Variants in SNTG2 observed in about 807,000 individuals in gnomAD.
SNTG2 encodes the protein gamma-2-syntrophin.
In SNTG2, 74 loss-of-function variants were observed where a neutral mutation model predicts 70.9. The observed-to-expected ratio is 1.04, with a 90% confidence interval of 0.86 to 1.27. The LOEUF (loss-of-function observed/expected upper bound fraction) is 1.27, where lower values mean the gene tolerates loss of function less well. SNTG2 is among the 50% of genes most tolerant of loss of function. The pLI, the probability that SNTG2 is intolerant of heterozygous loss-of-function variation, is 0.00. For synonymous variants in SNTG2, 278 were observed against 273.8 expected, an observed-to-expected ratio of 1.02 and a Z score of -0.15; for missense variants, 717 against 690.7, an observed-to-expected ratio of 1.04 and a Z score of -0.43.
intron 1 of SNTG2, among the ~76,000 whole-genome samples, chr2:1,056,176 G>C (rs1662381342): frequency 6.8e-6 from 1 of 146,574 alleles, no homozygotes; most frequent in Non-Finnish European, 1.5e-5. Flanking sequence ...GCTTCATTCT[G>C]AAGGAAGGAG....
At chr2:1,314,076 G>A (rs1171586948) in intron 15 of SNTG2, among the ~76,000 whole-genome samples, 1 of 152,148 alleles carries the variant, frequency 6.6e-6, no homozygotes, top group African/African-American at 2.4e-5. Context: ...TGTATATAAT[G>A]TTTTAATAGC....
At chr2:1,255,385 T>C (rs1677993165) in intron 12 of SNTG2, among the ~76,000 whole-genome samples, 1 of 152,094 alleles carries the variant, frequency 6.6e-6, no homozygotes, top group South Asian at 2.1e-4. Flanking sequence ...AATGTACCTA[T>C]GAATCACCTG....
At chr2:1,183,421 T>A (rs1165258064) in intron 8 of SNTG2, among the ~76,000 whole-genome samples, 1 of 152,180 alleles carries the variant, frequency 6.6e-6, no homozygotes, top group Non-Finnish European at 1.5e-5. Flanking sequence ...CTTTAGCAGA[T>A]CCTACTCGGC....
chr2:1,152,211 G>C (rs1240012809), intron 6 of SNTG2, among the ~76,000 whole-genome samples: 1 of 152,180 alleles, frequency 6.6e-6, no homozygotes, highest in East Asian at 1.9e-4. Flanking sequence ...ATGTAGGGTA[G>C]AGCAATTAGT....
intron 16 of SNTG2, among the ~76,000 whole-genome samples, chr2:1,325,853 AGATG>A (rs1278379371): frequency 6.7e-6 from 1 of 149,670 alleles, no homozygotes; most frequent in Non-Finnish European, 1.5e-5. Context: ...TTTTTTTTTG[AGATG>A]GAGTCTCACT....
chr2:1,155,171 C>CA (rs879359871), intron 6 of SNTG2, among the ~76,000 whole-genome samples: 12,905 of 66,968 alleles, frequency 0.19, 970 homozygotes, highest in African/African-American at 0.28. Context: ...ACACGTAGAC[C>CA]CCCCCCCCAC....
intron 4 of SNTG2, among the ~76,000 whole-genome samples, chr2:1,115,515 AG>A (rs1194293313): frequency 1.3e-5 from 2 of 152,144 alleles, no homozygotes; most frequent in African/African-American, 4.8e-5. Context: ...TCCTTTGAGG[AG>A]GATCATGTGT....
At chr2:1,262,943 C>A (rs1178427990) in intron 13 of SNTG2, 1 of 152,276 alleles carries the variant, frequency 6.6e-6, no homozygotes, top group Admixed American at 6.5e-5. Flanking sequence ...ACACTGCGAT[C>A]CACAAGGTCT....
At chr2:1,165,331 A>G (rs60948181) in intron 6 of SNTG2, among the ~76,000 whole-genome samples, 8,139 of 151,770 alleles carry the variant, frequency 0.054, 328 homozygotes, top group East Asian at 0.22. Flanking sequence ...TCACTCATGC[A>G]CTTGTTTACG....
At chr2:1,218,299 C>A (rs181940037) in intron 9 of SNTG2, among the ~76,000 whole-genome samples, 7 of 152,308 alleles carry the variant, frequency 4.6e-5, no homozygotes, top group African/African-American at 1.7e-4. Context: ...TTTGCAGAAT[C>A]CCTTCACAGA....
chr2:1,222,301 C>A (rs1675295786), intron 9 of SNTG2, among the ~76,000 whole-genome samples: 3 of 152,256 alleles, frequency 2.0e-5, no homozygotes, highest in Admixed American at 2.0e-4. Context: ...AAAGTCTCCG[C>A]TTTTGGACAT....
chr2:1,028,208 A>G (rs1051983200), intron 1 of SNTG2, among the ~76,000 whole-genome samples: 1 of 148,726 alleles, frequency 6.7e-6, no homozygotes, highest in Non-Finnish European at 1.5e-5. Flanking sequence ...ATCTCTGTTG[A>G]GTAAAGAGGT....
intron 14 of SNTG2, among the ~76,000 whole-genome samples, chr2:1,270,879 T>C (rs945813973): frequency 2.0e-5 from 3 of 152,232 alleles, no homozygotes; most frequent in African/African-American, 7.2e-5. Context: ...TGATTTTTCT[T>C]TACTAATTGT....
intron 2 of SNTG2, among the ~76,000 whole-genome samples, chr2:1,095,289 G>A (rs1043505503): frequency 1.3e-5 from 2 of 152,028 alleles, no homozygotes; most frequent in Non-Finnish European, 2.9e-5. Context: ...TTCCTATTAG[G>A]GCTCACAGTA....
Position 1,367,441 on chromosome 2 carries a change from G to A in SNTG2, c.1587G>A (p.Gln529=). 1 of 1,551,622 alleles carries A rather than the reference G, an allele frequency of 6.4e-7. No homozygotes were observed. Among genetic ancestry groups the A allele is most frequent in the Non-Finnish European group, 8.7e-7 (1 of 1,146,994 alleles). The change falls in exon 17 of 17, where the codon CAG becomes CAA. Residue 529 remains glutamine, a synonymous_variant. Coordinates refer to ENST00000308624, the MANE Select transcript of SNTG2 (RefSeq NM_018968.4). The part of the protein sequence containing the change: ...ASVDPGFMDS[Q]SLARKYMYSS ...TGGACCCCGGCTTCATGGACAGTCA[G>A]AGTCTTGCCAGAAAATACATGTACA...
At chr2:1,231,125 G>C (rs746798467) in intron 9 of SNTG2, among the ~76,000 whole-genome samples, 13 of 149,352 alleles carry the variant, frequency 8.7e-5, no homozygotes, top group Non-Finnish European at 1.5e-4. Flanking sequence ...GTCACTGCGA[G>C]GGTGAAATAG....
At chr2:1,113,772 C>T (rs981122767) in intron 4 of SNTG2, among the ~76,000 whole-genome samples, 1 of 151,326 alleles carries the variant, frequency 6.6e-6, no homozygotes, top group Non-Finnish European at 1.5e-5. Context: ...TGAAATTTAA[C>T]ACTTACAGTC....
At chr2:995,710 G>A (rs1165450045) in intron 1 of SNTG2, among the ~76,000 whole-genome samples, 3 of 152,080 alleles carry the variant, frequency 2.0e-5, no homozygotes, top group African/African-American at 7.2e-5. Flanking sequence ...TTCAGATTAT[G>A]TATTTTTTAT....
intron 1 of SNTG2, among the ~76,000 whole-genome samples, chr2:1,054,936 G>GT (rs1553315636): frequency 1.3e-4 from 19 of 149,732 alleles, no homozygotes; most frequent in African/African-American, 2.0e-4. Flanking sequence ...GGCTTTTTTT[G>GT]TTTTGTTTTT....
Sources: allele counts gnomAD v4.1 joint callset (sites outside exome capture counted in the v4.1 genomes callset), GRCh38; gene constraint gnomAD v4.1.1; transcripts MANE v1.5; gene names NCBI Gene and HGNC (gene_info 2026-07-23, HGNC 2026-07-21).